The following ARHGAP6 variants were observed in gnomAD, a reference collection of about 807,000 sequenced individuals.
ARHGAP6 encodes Rho GTPase activating protein 6, also known as rho GTPase-activating protein 6.
ARHGAP6 carries 16 observed loss-of-function variants against 55.7 expected under a neutral mutation model. The ratio of observed to expected loss-of-function variants is 0.29; its 90% CI spans 0.19 to 0.44. The LOEUF (loss-of-function observed/expected upper bound fraction) is 0.44, where lower values mean the gene tolerates loss of function less well. Ranked by LOEUF, ARHGAP6 falls within the 20% of genes least tolerant of loss-of-function variation. The probability of loss-of-function intolerance (pLI) is 1.00; values close to 1 mark genes in which losing one functional copy is unlikely to be tolerated. For missense variants in ARHGAP6, 698 were observed against 808.9 expected (o/e 0.86, Z 1.66); for synonymous variants, 382 against 360.9 (o/e 1.06, Z -0.66).
At chrX:11,433,254 C>T (rs747642516) in intron 1 of ARHGAP6, among the ~76,000 whole-genome samples, 1 of 111,643 alleles carries the variant, frequency 9.0e-6, no homozygotes, top group Non-Finnish European at 1.9e-5. Flanking sequence ...CAATTGGAGT[C>T]GAGAATATGA....
In ARHGAP6 at chrX:11,664,613, G is replaced by C; in HGVS notation, c.216C>G (p.Ala72=). ...AGRLYSPSLP[A]ESLGPRLASS... ...ACGCCAAGCGAGGGCCGAGACTCTC[G>C]GCTGGGAGTGATGGGGAGTAGAGGC... Residue 72 remains alanine (A), a synonymous_variant, in exon 1 of 13, where the codon GCC becomes GCG. Transcript: ENST00000337414. The C allele has an allele frequency of 8.5e-7, 1 of 1,171,444 alleles. No individual in the cohort carries two copies. The highest frequency in any genetic ancestry group is 1.1e-6 in the Non-Finnish European group (1 of 875,059).
chrX:11,330,528 C>T (rs2048550750), intron 1 of ARHGAP6, among the ~76,000 whole-genome samples: 1 of 111,331 alleles, frequency 9.0e-6, no homozygotes, highest in African/African-American at 3.3e-5. Flanking sequence ...CAACTATCTC[C>T]TTGGCGTCTC....
chrX:11,518,525 CATG>C (rs2050872455), intron 1 of ARHGAP6, among the ~76,000 whole-genome samples: 1 of 96,830 alleles, frequency 1.0e-5, no homozygotes, highest in African/African-American at 3.9e-5. Context: ...TGGAAAGGCA[CATG>C]TCTACTCCAT....
chrX:11,570,231 A>T (rs1042119065), intron 1 of ARHGAP6, among the ~76,000 whole-genome samples: 1 of 111,809 alleles, frequency 8.9e-6, no homozygotes, highest in African/African-American at 3.2e-5. Flanking sequence ...CATCAGATCA[A>T]AAAATTACTA....
intron 1 of ARHGAP6, among the ~76,000 whole-genome samples, chrX:11,564,984 C>T (rs1184234096): frequency 8.9e-6 from 1 of 111,773 alleles, no homozygotes; most frequent in Non-Finnish European, 1.9e-5. Context: ...AAGACTCTGA[C>T]CTTGGCATAC....
At position 11,138,535 on chromosome X, in the gene ARHGAP6, A is replaced by C. The variant is rs1467622894; in HGVS notation, c.*328T>G. The C allele has an allele frequency of 1.7e-5, 5 of 287,999 alleles. No individual in the cohort carries two copies. The highest frequency in any genetic ancestry group is 2.8e-5 in the African/African-American group (1 of 35,650). The allele number at this position is 287,999 out of a possible 1,213,427, so 23.7% of individuals were successfully genotyped here. On this transcript the variant is annotated 3_prime_UTR_variant, in exon 13 of 13. Coordinates refer to ENST00000337414, the MANE Select transcript of ARHGAP6 (RefSeq NM_013427.3). ...ATCTGTTACAGAATACACAATAGTC[A>C]AAACCGAAGACACATAAATACGGTT...
chrX:11,310,772 C>G (rs1451644574), intron 1 of ARHGAP6, among the ~76,000 whole-genome samples: 1 of 110,012 alleles, frequency 9.1e-6, no homozygotes, highest in South Asian at 3.8e-4. Context: ...CATTCAGACC[C>G]TTCTTCTCAG....
intron 1 of ARHGAP6, among the ~76,000 whole-genome samples, chrX:11,368,079 G>T: frequency 8.9e-6 from 1 of 112,546 alleles, no homozygotes. Context: ...CTGTGCATTA[G>T]ACTCTGTCCT....
intron 2 of ARHGAP6, among the ~76,000 whole-genome samples, chrX:11,218,810 C>A (rs2046917976): frequency 9.0e-6 from 1 of 110,917 alleles, no homozygotes; most frequent in Non-Finnish European, 1.9e-5. Flanking sequence ...GTAGTGATAT[C>A]CCCTTGATCA....
intron 1 of ARHGAP6, among the ~76,000 whole-genome samples, chrX:11,416,107 C>T (rs958106636): frequency 6.3e-5 from 7 of 111,279 alleles, no homozygotes; most frequent in African/African-American, 9.8e-5. Context: ...TTTCTAATGA[C>T]GCCTTAAATA....
At chrX:11,216,192 C>G (rs1214786458) in intron 2 of ARHGAP6, among the ~76,000 whole-genome samples, 6 of 97,055 alleles carry the variant, frequency 6.2e-5, no homozygotes, top group African/African-American at 2.5e-4. Flanking sequence ...ACAACAGCGT[C>G]TTCCTCTTAA....
chrX:11,240,677 G>C (rs2147458352), intron 2 of ARHGAP6, among the ~76,000 whole-genome samples: 2 of 111,416 alleles, frequency 1.8e-5, no homozygotes, highest in East Asian at 5.6e-4. Context: ...TATGAACCCA[G>C]ATGAATGAAT....
At chrX:11,385,665 T>C (rs2049320017) in intron 1 of ARHGAP6, among the ~76,000 whole-genome samples, 1 of 111,977 alleles carries the variant, frequency 8.9e-6, no homozygotes, top group Non-Finnish European at 1.9e-5. Context: ...GTTTAAGTGT[T>C]TGAGGAAATC....
At chrX:11,621,828 A>G (rs1028827899) in intron 1 of ARHGAP6, among the ~76,000 whole-genome samples, 4 of 111,837 alleles carry the variant, frequency 3.6e-5, no homozygotes, top group Admixed American at 1.9e-4. Flanking sequence ...ATAAATACAA[A>G]TAAGTCCTAC....
intron 1 of ARHGAP6, among the ~76,000 whole-genome samples, chrX:11,558,337 G>A (rs961676951): frequency 8.9e-6 from 1 of 111,740 alleles, no homozygotes; most frequent in African/African-American, 3.3e-5. Context: ...ACAGGCATTT[G>A]AACATCGCCA....
intron 3 of ARHGAP6, among the ~76,000 whole-genome samples, chrX:11,196,247 A>C (rs1271150602): frequency 1.8e-5 from 2 of 111,618 alleles, no homozygotes; most frequent in African/African-American, 6.5e-5. Flanking sequence ...TTGTTAACTC[A>C]AGTGAATATC....
At chrX:11,143,872 A>G in intron 11 of ARHGAP6, 108 bp downstream of exon 11, 1 of 1,199,078 alleles carries the variant, frequency 8.3e-7, no homozygotes, top group Non-Finnish European at 1.1e-6. Context: ...AGAAACATCA[A>G]ATAAGGGAGA....
At position 11,179,302 on chromosome X, in the gene ARHGAP6, A is replaced by T. The variant is rs142923264; in HGVS notation, c.1480T>A (p.Leu494Met). The part of the protein sequence containing the change: ...ELYTAFINTL[L>M]LEPEEQLGTL... Reference sequence around the variant, plus strand: ...TCCCACATATGGCTGTATTACGCACAGAGAGTGTTGATGAAAGCTGTGTAC... The same window carrying T: ...TCCCACATATGGCTGTATTACGCACTGAGAGTGTTGATGAAAGCTGTGTAC... Residue 494 changes from leucine (L) to methionine (M), a missense_variant and splice_region_variant, in exon 7 of 13, where the codon TTG becomes ATG. By Grantham distance (15) the Leu-to-Met change is conservative (BLOSUM62 2). Transcript: ENST00000337414. The T allele has an allele frequency of 1.3e-4, 158 of 1,200,462 alleles. No individual in the cohort carries two copies. The African/African-American group carries it at 2.5e-3, about 19-fold the overall frequency.
intron 1 of ARHGAP6, among the ~76,000 whole-genome samples, chrX:11,616,492 A>AT (rs1258973291): frequency 9.1e-6 from 1 of 109,886 alleles, no homozygotes; most frequent in Non-Finnish European, 1.9e-5. Context: ...TGCCCAGCTA[A>AT]TTTTTTTGTA....
Sources: allele counts gnomAD v4.1 joint callset (sites outside exome capture counted in the v4.1 genomes callset), GRCh38; gene constraint gnomAD v4.1.1; transcripts MANE v1.5; gene names NCBI Gene and HGNC (gene_info 2026-07-23, HGNC 2026-07-21).